EFEMP2: variants seen among roughly 807,000 people sequenced by gnomAD.
EFEMP2 encodes EGF-like fibulin extracellular matrix protein 2, also known as EGF-containing fibulin-like extracellular matrix protein 2.
Under a neutral mutation model 55.3 loss-of-function variants are expected in EFEMP2, and 21 were observed. The ratio of observed to expected loss-of-function variants is 0.38; its 90% CI spans 0.27 to 0.55. The LOEUF is 0.55. Among genes scored for constraint, EFEMP2 ranks in the 20% least tolerant of loss-of-function variants. The probability of loss-of-function intolerance (pLI) is 0.77; values close to 1 mark genes in which losing one functional copy is unlikely to be tolerated. For missense variants in EFEMP2, 513 were observed against 615.1 expected (o/e 0.83, Z 1.76); for synonymous variants, 275 against 242.3 (o/e 1.14, Z -1.25).
intron 7 of EFEMP2, 102 bp from the exon 8 acceptor site, chr11:65,868,731 G>T: frequency 6.6e-7 from 1 of 1,512,864 alleles, no homozygotes; most frequent in Non-Finnish European, 9.1e-7. Context: ...TAGACTGAAT[G>T]TAGGAAGACA....
chr11:65,872,430 G>A (rs1859982214), intron 1 of EFEMP2, 69 bp from the exon 2 acceptor site: 5 of 1,148,314 alleles, frequency 4.4e-6, no homozygotes, highest in Non-Finnish European at 6.3e-6. Flanking sequence ...CCGGGAGCCC[G>A]AGCCCAGCCC....
chr11:65,871,376 G>T lies in EFEMP2; in HGVS notation c.161-13C>A, dbSNP rs771655821. ...CACTCGTTGACATCTGCAGAGAGGG[G>T]CCTGCTGGGCACAGCCAGTCTCCTG... On this transcript the variant is annotated splice_polypyrimidine_tract_variant and intron_variant, in intron 3 of 10. Transcript: ENST00000307998. 40 of 1,613,456 alleles carry T rather than the reference G, an allele frequency of 2.5e-5. No individual in the cohort carries two copies. The highest frequency in any genetic ancestry group is 3.4e-5 in the Non-Finnish European group (40 of 1,179,486).
rs951322003 is a variant in EFEMP2, at chr11:65,866,728, C to T, written c.*190G>A. The T allele has an allele frequency of 4.8e-5, 36 of 757,520 alleles. No individual in the cohort carries two copies. In the African/African-American group the frequency reaches 5.3e-4, roughly 11 times the overall value. The allele number at this position is 757,520 out of a possible 1,614,324, so 46.9% of individuals were successfully genotyped here. A position where few individuals can be genotyped will look rare whatever the true frequency, so the allele number is the denominator to read the frequency against. On this transcript the variant is annotated 3_prime_UTR_variant, in exon 11 of 11. Transcript: ENST00000307998. Reference sequence around the variant, plus strand: ...GCCCCTGGGCCTGAACATATAGAGACCCCCATTTAGGTGAACTTGGCCTGC... The same window carrying T: ...GCCCCTGGGCCTGAACATATAGAGATCCCCATTTAGGTGAACTTGGCCTGC...
Position 65,871,991 on chromosome 11 carries a change from G to C in EFEMP2, c.139C>G (p.Pro47Ala), listed in dbSNP as rs144320036. 6.4e-7 allele frequency: 1 copy of C among 1,551,586 alleles called. No homozygotes were observed. The highest frequency in any genetic ancestry group is 2.4e-5 in the East Asian group (1 of 40,916). ...TECTDGYEWDPDSQHCRDVNE... is the reference protein window; with the variant it reads ...TECTDGYEWDADSQHCRDVNE... ...ACACCCCGGCAGTGCTGGCTGTCTG[G>C]GTCCCACTCATAGCCATCTGTGCAT... Residue 47 changes from proline to alanine, a missense_variant, in exon 3 of 11, where the codon CCA becomes GCA. Physicochemically the swap from Pro to Ala is conservative, Grantham distance 27. Coordinates refer to ENST00000307998, the MANE Select transcript of EFEMP2 (RefSeq NM_016938.5).
chr11:65,867,804 C>T lies in EFEMP2; in HGVS notation c.1170+57G>A, dbSNP rs143533129. On this transcript the variant is annotated intron_variant, in intron 10 of 10. Coordinates refer to ENST00000307998, the MANE Select transcript of EFEMP2 (RefSeq NM_016938.5). ...AGCCTGGCCGAGTTCCCCCTTAAGG[C>T]GTCCTGGAGTTCAGTTTTAGATTGT... 5.8e-5 allele frequency: 92 copies of T among 1,590,348 alleles called. No homozygotes were observed. The African/African-American group carries it at 8.6e-4, about 15-fold the overall frequency.
Position 65,872,381 on chromosome 11 carries a change from G to C in EFEMP2, c.-7-20C>G, listed in dbSNP as rs1442405638. The C allele has an allele frequency of 6.6e-7, 1 of 1,509,040 alleles. No homozygotes were observed. Among genetic ancestry groups the C allele is most frequent in the Admixed American group, 2.0e-5 (1 of 50,962 alleles). The allele number at this position is 1,509,040 out of a possible 1,614,324, so 93.5% of individuals were successfully genotyped here. ...CTGGGGCTGCGAGATGGTGGACACG[G>C]GTCAGGGGCCTCTGCCCGCGGCACC... On this transcript the variant is annotated intron_variant, in intron 1 of 10. Coordinates refer to ENST00000307998, the MANE Select transcript of EFEMP2 (RefSeq NM_016938.5).
At chr11:65,870,728 A>G (rs1414967433) in intron 4 of EFEMP2, 70 bp from the exon 5 acceptor site, 1 of 1,608,902 alleles carries the variant, frequency 6.2e-7, no homozygotes. Flanking sequence ...TAGTTCCAAC[A>G]CTTGTATTCG....
In EFEMP2 at chr11:65,866,627, G is replaced by A. The variant is rs774482903; in HGVS notation, c.*291C>T. On this transcript the variant is annotated 3_prime_UTR_variant, in exon 11 of 11. Coordinates refer to ENST00000307998, the MANE Select transcript of EFEMP2 (RefSeq NM_016938.5). ...ATCTCTGGGCCGGGGCCTGGAGTCC[G>A]CCCTCCTCGTTACCTCCTCTCCTCT... 3.1e-5 allele frequency: 22 copies of A among 702,998 alleles called. No homozygotes were observed. The highest frequency in any genetic ancestry group is 1.5e-4 in the South Asian group (10 of 67,600). The allele number at this position is 702,998 out of a possible 1,614,324, so 43.5% of individuals were successfully genotyped here.
intron 7 of EFEMP2, 21 bp downstream of exon 7, chr11:65,869,836 C>T (rs1403132958): frequency 6.2e-6 from 10 of 1,613,382 alleles, no homozygotes; most frequent in East Asian, 2.2e-5. Context: ...GAGGAGTACA[C>T]AGCAGGGATG....
At chr11:65,871,646 C>G (rs1169678339) in intron 3 of EFEMP2, 1 of 596,940 alleles carries the variant, frequency 1.7e-6, no homozygotes, top group African/African-American at 1.9e-5. Flanking sequence ...GGGGGGCCTC[C>G]TTACCCACCC....
Position 65,866,776 on chromosome 11 carries a change from C to T in EFEMP2, c.*142G>A. ...TGCCCCCCCAAGTGCCACCCTGCCC[C>T]AGCCTGAGGCTTCCTGCAGTGTGAC... On this transcript the variant is annotated 3_prime_UTR_variant, in exon 11 of 11. Coordinates refer to ENST00000307998, the MANE Select transcript of EFEMP2 (RefSeq NM_016938.5). The T allele has an allele frequency of 8.9e-7, 1 of 1,121,808 alleles. No individual in the cohort carries two copies. The highest frequency in any genetic ancestry group is 1.3e-6 in the Non-Finnish European group (1 of 760,048). The allele number at this position is 1,121,808 out of a possible 1,614,324, so 69.5% of individuals were successfully genotyped here. A position where few individuals can be genotyped will look rare whatever the true frequency, so the allele number is the denominator to read the frequency against.
intron 9 of EFEMP2, 110 bp from the exon 10 acceptor site, chr11:65,868,166 G>A: frequency 6.4e-7 from 1 of 1,559,738 alleles, no homozygotes. Flanking sequence ...CCCTGTGACT[G>A]GTTTTCATGA....
chr11:65,867,669 G>T, intron 10 of EFEMP2, 192 bp downstream of exon 10: 1 of 659,718 alleles, frequency 1.5e-6, no homozygotes, highest in East Asian at 2.7e-5. Flanking sequence ...GTGTCCGAGT[G>T]CTTCGTTAGA....
chr11:65,868,131 G>A (rs1859894600), intron 9 of EFEMP2, 75 bp from the exon 10 acceptor site: 1 of 1,573,998 alleles, frequency 6.4e-7, no homozygotes. Flanking sequence ...TACAAAGGGA[G>A]GGAATCCCAA....
In EFEMP2 at chr11:65,868,401, C is replaced by G; in HGVS notation, c.868G>C (p.Gly290Arg). The G allele has an allele frequency of 6.2e-7, 1 of 1,613,916 alleles. No homozygotes were observed. Among genetic ancestry groups the G allele is most frequent in the Non-Finnish European group, 8.5e-7 (1 of 1,180,018 alleles). ...TGGGCCTCGGAGCACTGGTGCGCACCAGACTCACACTCATCAATGTCTGTG... is the reference window on the plus strand; with the variant it reads ...TGGGCCTCGGAGCACTGGTGCGCACGAGACTCACACTCATCAATGTCTGTG... The part of the protein sequence containing the change: ...LCQDIDECES[G>R]AHQCSEAQTC... Residue 290 changes from glycine to arginine, a missense_variant, in exon 9 of 11, where the codon GGT (glycine) becomes CGT (arginine). Gly to Arg is a moderately radical substitution (Grantham distance 125). Coordinates refer to ENST00000307998, the MANE Select transcript of EFEMP2 (RefSeq NM_016938.5).
chr11:65,872,453 G>A (rs1448267012), intron 1 of EFEMP2, 92 bp from the exon 2 acceptor site: 12 of 880,886 alleles, frequency 1.4e-5, no homozygotes, highest in Non-Finnish European at 2.0e-5. Flanking sequence ...GCCACTGCCC[G>A]CTCAGGACCG....
intron 3 of EFEMP2, 66 bp downstream of exon 3, chr11:65,871,904 C>T (rs1392998475): frequency 1.4e-5 from 22 of 1,541,884 alleles, no homozygotes; most frequent in Non-Finnish European, 1.8e-5. Flanking sequence ...GGGGCTGTCC[C>T]TTGGAAAGCA....
At chr11:65,872,525 C>T (rs1859983865) in intron 1 of EFEMP2, 158 bp downstream of exon 1, 2 of 542,144 alleles carry the variant, frequency 3.7e-6, no homozygotes, top group Admixed American at 3.3e-5. Context: ...AGGTCCCAGG[C>T]CCGGGTCCCA....
rs752456997 is a variant in EFEMP2, at chr11:65,870,142, G to T, written c.586C>A (p.Pro196Thr). 3.1e-6 allele frequency: 5 copies of T among 1,613,668 alleles called. No homozygotes were observed. The Admixed American group carries it at 5.0e-5, about 16-fold the overall frequency. ...CQCEPGFQLG[P>T]NNRSCVDVNE... ...TCACCAACACAGGAGCGGTTGTTAG[G>T]CCCCAGCTGGAAGCCCGGCTCGCAC... The change falls in exon 6 of 11, where the codon CCT (proline) becomes ACT (threonine). Residue 196 changes from proline (P) to threonine (T), a missense_variant. By Grantham distance (38) the Pro-to-Thr change is conservative. Coordinates refer to ENST00000307998, the MANE Select transcript of EFEMP2 (RefSeq NM_016938.5).
Sources: gnomAD v4.1 joint callset for allele counts on GRCh38, gnomAD v4.1.1 for gene constraint, MANE v1.5 for transcripts, NCBI Gene and HGNC (gene_info 2026-07-23, HGNC 2026-07-21) for gene names.